FAM168A: variants seen among roughly 807,000 people sequenced by gnomAD.
FAM168A encodes protein FAM168A.
Under a neutral mutation model 28.5 loss-of-function variants are expected in FAM168A, and 3 were observed. The observed-to-expected ratio is 0.11, with a 90% CI of 0.05 to 0.27. FAM168A has a LOEUF of 0.27. Ranked by LOEUF, FAM168A falls within the 10% of genes least tolerant of loss-of-function variation. FAM168A has a pLI of 1.00. For synonymous variants in FAM168A, 122 were observed against 124.2 expected (o/e 0.98, Z 0.12); for missense variants, 222 against 311.5 (o/e 0.71, Z 2.16).
chr11:73,551,004 G>A (rs1477842930), intron 1 of FAM168A, among the ~76,000 whole-genome samples: 1 of 151,928 alleles, frequency 6.6e-6, no homozygotes, highest in Non-Finnish European at 1.5e-5. Flanking sequence ...CCAGCTACTG[G>A]GGAGGCTGAG....
In FAM168A at chr11:73,448,978, C is replaced by A. The variant is rs889958451; in HGVS notation, c.71-18208G>T. Among the ~76,000 whole-genome samples the A allele has an allele frequency of 4.0e-5, 6 of 151,354 alleles. 1 individual carries two copies. The highest frequency in any genetic ancestry group is 1.2e-4 in the African/African-American group (5 of 41,138). On this transcript the variant is annotated intron_variant, in intron 2 of 7. Transcript: ENST00000356467. ...CTCTCTAACTCTATCTCTATCTTTC[C>A]TTTCTTTCTCTTTTTGAGATGGGGT... is the stretch of plus-strand genomic sequence containing the variant.
intron 1 of FAM168A, among the ~76,000 whole-genome samples, chr11:73,534,360 G>GAA (rs1262140411): frequency 2.0e-5 from 3 of 151,866 alleles, no homozygotes; most frequent in Non-Finnish European, 4.4e-5. Flanking sequence ...CTCAGAAACT[G>GAA]GCAGTATCAT....
At chr11:73,522,316 G>C (rs1011241298) in intron 1 of FAM168A, among the ~76,000 whole-genome samples, 1 of 151,648 alleles carries the variant, frequency 6.6e-6, no homozygotes, top group Non-Finnish European at 1.5e-5. Context: ...AGGACTCTGG[G>C]TTTTTTTTGT....
At chr11:73,526,167 G>A (rs369033957) in intron 1 of FAM168A, among the ~76,000 whole-genome samples, 1 of 152,150 alleles carries the variant, frequency 6.6e-6, no homozygotes, top group East Asian at 1.9e-4. Context: ...CAAAAGTGAT[G>A]AGAGATGAAG....
At chr11:73,544,918 T>TA (rs1943715218) in intron 1 of FAM168A, among the ~76,000 whole-genome samples, 1 of 95,130 alleles carries the variant, frequency 1.1e-5, no homozygotes, top group Admixed American at 1.7e-4. Context: ...ATATATATTA[T>TA]ATATAATATA....
intron 1 of FAM168A, among the ~76,000 whole-genome samples, chr11:73,580,881 G>C (rs1215850141): frequency 1.3e-5 from 2 of 152,148 alleles, no homozygotes; most frequent in Non-Finnish European, 2.9e-5. Context: ...CTACCTTTCA[G>C]CTAGACTTAA....
chr11:73,490,066 G>A (rs574812263), intron 1 of FAM168A, among the ~76,000 whole-genome samples: 3 of 152,126 alleles, frequency 2.0e-5, no homozygotes, highest in Admixed American at 2.0e-4. Context: ...TGTTTCTCCT[G>A]AAGTCCTCCC....
intron 1 of FAM168A, among the ~76,000 whole-genome samples, chr11:73,475,189 T>A (rs1867871920): frequency 6.6e-6 from 1 of 152,136 alleles, no homozygotes; most frequent in Admixed American, 6.5e-5. Flanking sequence ...ACACAACAGG[T>A]TGCAGTGTTT....
At chr11:73,497,267 C>G (rs775581003) in intron 1 of FAM168A, among the ~76,000 whole-genome samples, 1 of 152,006 alleles carries the variant, frequency 6.6e-6, no homozygotes, top group African/African-American at 2.4e-5. Context: ...GAGATCCAGA[C>G]CATCCTGGCC....
At chr11:73,530,801 T>A (rs1008262916) in intron 1 of FAM168A, among the ~76,000 whole-genome samples, 1 of 152,188 alleles carries the variant, frequency 6.6e-6, no homozygotes, top group African/African-American at 2.4e-5. Context: ...AGGATAAATG[T>A]TATGATCCTG....
At chr11:73,445,174 G>A (rs1275181272) in intron 2 of FAM168A, among the ~76,000 whole-genome samples, 5 of 151,462 alleles carry the variant, frequency 3.3e-5, no homozygotes, top group Admixed American at 6.6e-5. Context: ...CAGGAGAATC[G>A]CTTGAACCTG....
intron 1 of FAM168A, among the ~76,000 whole-genome samples, chr11:73,474,925 A>G (rs1867866791): frequency 1.3e-5 from 2 of 152,160 alleles, no homozygotes; most frequent in African/African-American, 4.8e-5. Context: ...TGCCCAGAGA[A>G]GCCTCTACTA....
At position 73,424,595 on chromosome 11, in the gene FAM168A, T is replaced by C. The variant is rs1046484152; in HGVS notation, c.152-4596A>G. On this transcript the variant is annotated intron_variant, in intron 3 of 7. Coordinates refer to ENST00000356467, the MANE Select transcript of FAM168A (RefSeq NM_015159.3). Reference sequence around the variant, plus strand: ...CTAAAGTCAACCAGGTCTTCAAACATGTCAGACTGCCGATGGAGATGGAAA... The same window carrying C: ...CTAAAGTCAACCAGGTCTTCAAACACGTCAGACTGCCGATGGAGATGGAAA... 2.0e-5 allele frequency among the ~76,000 whole-genome samples: 3 copies of C among 152,088 alleles called. No individual in the cohort carries two copies. In the East Asian group the frequency reaches 5.8e-4, roughly 29 times the overall value.
chr11:73,430,856 G>A (rs1053808139), intron 2 of FAM168A, 86 bp from the exon 3 acceptor site: 3 of 1,109,288 alleles, frequency 2.7e-6, no homozygotes, highest in African/African-American at 1.6e-5. Flanking sequence ...CCAGATTTTT[G>A]AGGAAATAGA....
At chr11:73,543,208 G>C (rs1029569168) in intron 1 of FAM168A, among the ~76,000 whole-genome samples, 3 of 149,844 alleles carry the variant, frequency 2.0e-5, no homozygotes, top group Non-Finnish European at 4.4e-5. Flanking sequence ...CCGGAGCTAA[G>C]ATCATATTGT....
At chr11:73,515,604 A>C (rs1943292227) in intron 1 of FAM168A, among the ~76,000 whole-genome samples, 1 of 151,962 alleles carries the variant, frequency 6.6e-6, no homozygotes, top group African/African-American at 2.4e-5. Flanking sequence ...ATTAACAACA[A>C]CAAAAAAATT....
intron 2 of FAM168A, among the ~76,000 whole-genome samples, chr11:73,457,588 A>G (rs1304311828): frequency 1.3e-5 from 2 of 151,840 alleles, no homozygotes; most frequent in Non-Finnish European, 2.9e-5. Flanking sequence ...AAAAATGGTT[A>G]AAATTGGCCA....
chr11:73,545,165 A>G (rs1485229129), intron 1 of FAM168A, among the ~76,000 whole-genome samples: 2 of 147,768 alleles, frequency 1.4e-5, no homozygotes, highest in African/African-American at 5.1e-5. Context: ...AGCTAAGACT[A>G]TAGACATGCA....
intron 1 of FAM168A, among the ~76,000 whole-genome samples, chr11:73,485,838 T>G (rs1405308685): frequency 6.6e-6 from 1 of 151,288 alleles, no homozygotes; most frequent in African/African-American, 2.5e-5. Context: ...TAGCTACTAC[T>G]ACCTAAGTTT....
Sources: allele counts gnomAD v4.1 joint callset (sites outside exome capture counted in the v4.1 genomes callset), GRCh38; gene constraint gnomAD v4.1.1; transcripts MANE v1.5; gene names NCBI Gene and HGNC (gene_info 2026-07-23, HGNC 2026-07-21).